The following MRAS variants were observed in gnomAD, a reference collection of about 807,000 sequenced individuals.
MRAS encodes muscle RAS oncogene homolog, also known as ras-related protein M-Ras.
MRAS carries 4 observed loss-of-function variants against 20.9 expected under a neutral mutation model. That is an observed-to-expected ratio of 0.19 (90% CI 0.09 to 0.44). The LOEUF (loss-of-function observed/expected upper bound fraction) is 0.44, where lower values mean the gene tolerates loss of function less well. Among genes scored for constraint, MRAS ranks in the 20% least tolerant of loss-of-function variants. The pLI is 0.99. For missense variants in MRAS, 154 were observed against 277.5 expected (o/e 0.56, Z 3.16); for synonymous variants, 98 against 102.9 (o/e 0.95, Z 0.29).
rs142535762 is a variant in MRAS at position 138,372,949 on chromosome 3, G to T, written c.66G>T (p.Gly22=). 6.8e-5 allele frequency: 106 copies of T among 1,563,928 alleles called. No individual in the cohort carries two copies. The African/African-American group carries it at 1.4e-3, about 20-fold the overall frequency. The change falls in exon 2 of 6, where the codon GGG becomes GGT. Residue 22 remains glycine (G), a synonymous_variant. Transcript: ENST00000423968. ...PTYKLVVVGD[G]GVGKSALTIQ... is the part of the protein sequence containing the mutation. ...ACAAGCTGGTGGTGGTGGGGGATGG[G>T]GGTGTGGGCAAAAGTGCCCTCACCA... is the stretch of plus-strand genomic sequence containing the variant.
intron 2 of MRAS, among the ~76,000 whole-genome samples, chr3:138,394,468 G>A (rs1276746838): frequency 1.3e-5 from 2 of 152,174 alleles, no homozygotes; most frequent in African/African-American, 4.8e-5. Context: ...TGGGTACTGT[G>A]TAAAGGTGCC....
At chr3:138,350,050 T>G (rs1288874889) in intron 1 of MRAS, 1 of 152,212 alleles carries the variant, frequency 6.6e-6, no homozygotes, top group Non-Finnish European at 1.5e-5. Context: ...GTTAGAGTTT[T>G]GTAATATATT....
intron 2 of MRAS, among the ~76,000 whole-genome samples, chr3:138,396,753 G>C (rs2055245053): frequency 6.6e-6 from 1 of 152,104 alleles, no homozygotes; most frequent in African/African-American, 2.4e-5. Context: ...CCTCCCCCAG[G>C]GTCTCCTTGG....
chr3:138,392,232 G>T (rs2055147071), intron 2 of MRAS, among the ~76,000 whole-genome samples: 1 of 152,184 alleles, frequency 6.6e-6, no homozygotes, highest in South Asian at 2.1e-4. Context: ...TTTAGAGACA[G>T]GTTCTCATTC....
At chr3:138,400,022 T>C (rs766032892) in intron 4 of MRAS, among the ~76,000 whole-genome samples, 1 of 152,174 alleles carries the variant, frequency 6.6e-6, no homozygotes, top group African/African-American at 2.4e-5. Flanking sequence ...GGCTCATAGA[T>C]ACAGATCAAA....
intron 2 of MRAS, among the ~76,000 whole-genome samples, chr3:138,376,690 A>G (rs2054789447): frequency 6.6e-6 from 1 of 152,268 alleles, no homozygotes; most frequent in Non-Finnish European, 1.5e-5. Context: ...CTATTGGAAT[A>G]TATGGCACAC....
At chr3:138,394,655 T>C (rs188990003) in intron 2 of MRAS, among the ~76,000 whole-genome samples, 1 of 152,346 alleles carries the variant, frequency 6.6e-6, no homozygotes. Context: ...TAATAGACTC[T>C]GAAGCCTGTG....
At chr3:138,372,254 C>T (rs769620793) in intron 1 of MRAS, among the ~76,000 whole-genome samples, 2 of 152,088 alleles carry the variant, frequency 1.3e-5, no homozygotes, top group African/African-American at 4.8e-5. Context: ...AACAAAACTT[C>T]GACCTGCTCC....
chr3:138,378,071 C>G (rs1427993414), intron 2 of MRAS, among the ~76,000 whole-genome samples: 1 of 152,236 alleles, frequency 6.6e-6, no homozygotes, highest in Non-Finnish European at 1.5e-5. Flanking sequence ...ATCCTTGTGC[C>G]TCTGGGAAGG....
chr3:138,372,857 C>A lies in MRAS; in HGVS notation c.-18-9C>A. On this transcript the variant is annotated splice_polypyrimidine_tract_variant and intron_variant, in intron 1 of 5. Transcript: ENST00000423968. ...CCTCTGTCTCATTCCACATGTCTTG[C>A]TGCCGCAGGTCTGACCTACGAGAAA... 6.0e-6 allele frequency: 9 copies of A among 1,498,360 alleles called. No individual in the cohort carries two copies. Among genetic ancestry groups the A allele is most frequent in the Non-Finnish European group, 7.9e-6 (9 of 1,132,174 alleles). 92.8% of individuals were successfully genotyped at this position (1,498,360 alleles called of 1,614,324 possible).
rs145441900 is a variant in MRAS at position 138,390,354 on chromosome 3, C to T, written c.194-6970C>T. On this transcript the variant is annotated intron_variant, in intron 2 of 5. Coordinates refer to ENST00000423968, the MANE Select transcript of MRAS (RefSeq NM_001085049.3). ...GAGCATCGCAGACAGATGTGCACAA[C>T]ACTGACCCTGTCTCTCCATTTATCT... 5.5e-3 allele frequency among the ~76,000 whole-genome samples: 836 copies of T among 152,302 alleles called. 2 individuals are homozygous for T. Among genetic ancestry groups the T allele is most frequent in the Middle Eastern group, 0.014 (4 of 294 alleles).
At chr3:138,390,017 G>C (rs992677360) in intron 2 of MRAS, among the ~76,000 whole-genome samples, 1 of 149,880 alleles carries the variant, frequency 6.7e-6, no homozygotes, top group Non-Finnish European at 1.5e-5. Context: ...TCTCAGGAGG[G>C]AACAAGAAGG....
chr3:138,387,658 G>T (rs922990418), intron 2 of MRAS, among the ~76,000 whole-genome samples: 1 of 152,164 alleles, frequency 6.6e-6, no homozygotes, highest in African/African-American at 2.4e-5. Flanking sequence ...GCGCTGCCAG[G>T]CCCCCGTCTG....
chr3:138,348,326 G>GT (rs1203761570), upstream of MRAS: 6 of 152,280 alleles, frequency 3.9e-5, no homozygotes, highest in Admixed American at 6.5e-5. Context: ...TCTGACCCGG[G>GT]TAAGTGCTGG....
At chr3:138,397,872 C>A (rs2055274970) in intron 3 of MRAS, among the ~76,000 whole-genome samples, 1 of 152,028 alleles carries the variant, frequency 6.6e-6, no homozygotes, top group Non-Finnish European at 1.5e-5. Flanking sequence ...ACATGAATTG[C>A]AAAAGAGAAA....
At chr3:138,400,635 G>C (rs1246286344) in intron 5 of MRAS, 22 bp downstream of exon 5, 2 of 1,589,628 alleles carry the variant, frequency 1.3e-6, no homozygotes, top group Non-Finnish European at 1.7e-6. Context: ...CCTCTCCCTA[G>C]AAGCGGGCCT....
intron 1 of MRAS, chr3:138,349,999 C>T (rs2054194409): frequency 2.0e-5 from 3 of 152,190 alleles, no homozygotes; most frequent in South Asian, 4.1e-4. Flanking sequence ...CTTTTGGCCA[C>T]GTGGCTGTCC....
chr3:138,390,165 A>G (rs1004818863), intron 2 of MRAS, among the ~76,000 whole-genome samples: 1 of 151,780 alleles, frequency 6.6e-6, no homozygotes, highest in Non-Finnish European at 1.5e-5. Context: ...GTGCTCCTCC[A>G]TGCTGGCTGC....
intron 2 of MRAS, among the ~76,000 whole-genome samples, chr3:138,379,357 C>CTTTTTTTT (rs35120152): frequency 5.2e-5 from 4 of 77,616 alleles, no homozygotes; most frequent in African/African-American, 2.0e-4. Context: ...GACAGAATGT[C>CTTTTTTTT]TTTTTTTTTT....
Sources: gnomAD v4.1 joint callset for allele counts (sites outside exome capture counted in the v4.1 genomes callset) on GRCh38, gnomAD v4.1.1 for gene constraint, MANE v1.5 for transcripts, NCBI Gene and HGNC (gene_info 2026-07-23, HGNC 2026-07-21) for gene names.